Variants in HDAC9 observed in about 807,000 individuals in gnomAD.
HDAC9 encodes histone deacetylase 9.
In HDAC9, 41 loss-of-function variants were observed where a neutral mutation model predicts 139.4. The ratio of observed to expected loss-of-function variants is 0.29; its 90% CI spans 0.23 to 0.38. HDAC9 has a LOEUF of 0.38. HDAC9 is among the 10% of genes least tolerant of loss of function. The probability of loss-of-function intolerance (pLI) is 1.00; values close to 1 mark genes in which losing one functional copy is unlikely to be tolerated. For missense variants in HDAC9, 1,147 were observed against 1,297.0 expected, an observed-to-expected ratio of 0.88 and a Z score of 1.78; for synonymous variants, 517 against 476.2, an observed-to-expected ratio of 1.09 and a Z score of -1.12.
At chr7:18,568,606 A>G (rs1011069600) in intron 2 of HDAC9, among the ~76,000 whole-genome samples, 1 of 152,340 alleles carries the variant, frequency 6.6e-6, no homozygotes. Context: ...CTTGTTTTAT[A>G]TGGTGTTCTC....
intron 2 of HDAC9, among the ~76,000 whole-genome samples, chr7:18,271,027 G>A (rs1796320184): frequency 6.6e-6 from 1 of 152,130 alleles, no homozygotes; most frequent in Non-Finnish European, 1.5e-5. Context: ...AGGGTATTTA[G>A]TAACTACTAT....
At chr7:18,799,055 A>C (rs1425550973) in intron 17 of HDAC9, among the ~76,000 whole-genome samples, 1 of 81,354 alleles carries the variant, frequency 1.2e-5, no homozygotes, top group South Asian at 3.5e-4. Context: ...ACACACACAC[A>C]CACACACACA....
Position 18,698,407 on chromosome 7 carries a change from T to A in HDAC9, c.1732-29173T>A, listed in dbSNP as rs1038426711. On this transcript the variant is annotated intron_variant, in intron 12 of 25. Coordinates refer to ENST00000686413, the MANE Select transcript of HDAC9 (RefSeq NM_178425.4). ...TGTTTTCTGGAATGCTGGGACTAAA[T>A]AAGTTATGCTTAACTCAATATCTAA... Among the ~76,000 whole-genome samples the A allele has an allele frequency of 2.6e-5, 4 of 152,224 alleles. No individual in the cohort carries two copies. In the East Asian group the frequency reaches 7.7e-4, roughly 29 times the overall value.
intron 2 of HDAC9, among the ~76,000 whole-genome samples, chr7:18,531,511 A>T (rs1264056890): frequency 2.6e-5 from 4 of 152,166 alleles, no homozygotes; most frequent in Non-Finnish European, 5.9e-5. Context: ...CTTGAAAAAA[A>T]CTTTAAGTTT....
chr7:18,911,411 G>A (rs565675647), intron 22 of HDAC9, among the ~76,000 whole-genome samples: 3 of 151,230 alleles, frequency 2.0e-5, no homozygotes, highest in East Asian at 1.9e-4. Context: ...TTTGGATCTC[G>A]TCTCCTTTTC....
At chr7:18,451,103 C>T (rs112950822) in intron 1 of HDAC9, among the ~76,000 whole-genome samples, 1,870 of 152,152 alleles carry the variant, frequency 0.012, 38 homozygotes, top group African/African-American at 0.042. Flanking sequence ...TCAGAATGGC[C>T]TTGCCCTCAA....
At chr7:18,222,348 C>T (rs1792761022) in intron 2 of HDAC9, among the ~76,000 whole-genome samples, 1 of 152,064 alleles carries the variant, frequency 6.6e-6, no homozygotes, top group South Asian at 2.1e-4. Flanking sequence ...TAATTCTTGA[C>T]AAGGACCTTA....
At chr7:18,451,443 G>A (rs566391834) in intron 1 of HDAC9, among the ~76,000 whole-genome samples, 2 of 151,290 alleles carry the variant, frequency 1.3e-5, no homozygotes, top group African/African-American at 2.4e-5. Flanking sequence ...GTGTGTGTGT[G>A]TGTGTATATG....
chr7:18,290,336 C>T (rs1018303175), upstream of HDAC9: 3 of 379,306 alleles, frequency 7.9e-6, no homozygotes, highest in African/African-American at 6.4e-5. Context: ...GATATTGCAT[C>T]TGTAGCATCA....
rs569004806 is a variant in HDAC9 at position 18,835,182 on chromosome 7, T to G, written c.2467-285T>G. Among the ~76,000 whole-genome samples the G allele has an allele frequency of 2.6e-5, 4 of 152,284 alleles. No homozygotes were observed. In the East Asian group the frequency reaches 7.7e-4, roughly 29 times the overall value. On this transcript the variant is annotated intron_variant, in intron 19 of 25. Transcript: ENST00000686413. ...GTACCAAAGGACTGGGCTTTCTCAA[T>G]GACTGCTCATCTGGAGTCTCCAGGG...
At chr7:18,514,469 G>T (rs76719458) in intron 2 of HDAC9, among the ~76,000 whole-genome samples, 10,383 of 152,074 alleles carry the variant, frequency 0.068, 522 homozygotes, top group Non-Finnish European at 0.1. Context: ...TAAAAATTCG[G>T]ACTTATTTTG....
intron 2 of HDAC9, among the ~76,000 whole-genome samples, chr7:18,206,113 T>G (rs1014101867): frequency 8.5e-5 from 13 of 152,180 alleles, no homozygotes; most frequent in African/African-American, 3.1e-4. Flanking sequence ...TATATTTTTA[T>G]GAAAACCTGA....
chr7:18,263,998 C>T (rs1165333564), intron 2 of HDAC9, among the ~76,000 whole-genome samples: 2 of 152,068 alleles, frequency 1.3e-5, no homozygotes, highest in Admixed American at 1.3e-4. Flanking sequence ...AAGGCTCAAA[C>T]CATGAAGAAG....
chr7:18,104,093 A>G (rs535748833), intron 1 of HDAC9, among the ~76,000 whole-genome samples: 3 of 152,354 alleles, frequency 2.0e-5, no homozygotes, highest in Admixed American at 6.5e-5. Flanking sequence ...CGGAGTACCC[A>G]GAGAAAACCC....
chr7:18,372,785 G>C (rs577241889), intron 1 of HDAC9, among the ~76,000 whole-genome samples: 1 of 152,290 alleles, frequency 6.6e-6, no homozygotes, highest in South Asian at 2.1e-4. Context: ...TGGCATTTAT[G>C]GTGATGTCAG....
chr7:18,992,426 T>C (rs767787923), intron 25 of HDAC9, among the ~76,000 whole-genome samples: 1 of 152,066 alleles, frequency 6.6e-6, no homozygotes, highest in Non-Finnish European at 1.5e-5. Flanking sequence ...TTACATAAAA[T>C]AAAAATATAT....
chr7:18,293,126 G>A (rs991313544), intron 1 of HDAC9, among the ~76,000 whole-genome samples: 12 of 151,686 alleles, frequency 7.9e-5, no homozygotes, highest in East Asian at 1.9e-4. Context: ...TTTTTCCTTC[G>A]TTGGCTACAG....
Position 18,648,533 on chromosome 7 carries a change from T to C in HDAC9, c.1317T>C (p.Gly439=). ...AGAGAATTTCACCTGGCATTAGAGGTACCCACAAATTGCCCCGTCACAGAC... is the reference window on the plus strand; with the variant it reads ...AGAGAATTTCACCTGGCATTAGAGGCACCCACAAATTGCCCCGTCACAGAC... ...TKERISPGIR[G]THKLPRHRPL... The change falls in exon 11 of 26, where the codon GGT becomes GGC. Residue 439 remains glycine, a synonymous_variant. Coordinates refer to ENST00000686413, the MANE Select transcript of HDAC9 (RefSeq NM_178425.4). 2 of 1,613,476 alleles carry C rather than the reference T, an allele frequency of 1.2e-6. No individual in the cohort carries two copies. The highest frequency in any genetic ancestry group is 8.5e-7 in the Non-Finnish European group (1 of 1,179,750).
intron 15 of HDAC9, among the ~76,000 whole-genome samples, chr7:18,765,614 T>A (rs1789767561): frequency 6.6e-6 from 1 of 152,068 alleles, no homozygotes; most frequent in Non-Finnish European, 1.5e-5. Flanking sequence ...CAAAAAAAAA[T>A]TAACTTACTA....
Sources: allele counts gnomAD v4.1 joint callset (sites outside exome capture counted in the v4.1 genomes callset), GRCh38; gene constraint gnomAD v4.1.1; transcripts MANE v1.5; gene names NCBI Gene and HGNC (gene_info 2026-07-23, HGNC 2026-07-21).